CR1: variants seen among roughly 807,000 people sequenced by gnomAD.
The protein encoded by CR1 is complement C3b/C4b receptor 1 (Knops blood group).
CR1 carries 116 observed loss-of-function variants against 187.3 expected under a neutral mutation model. That is an observed-to-expected ratio of 0.62 (90% CI 0.53 to 0.72). CR1 has a LOEUF of 0.72. Among genes scored for constraint, CR1 ranks in the 30% least tolerant of loss-of-function variants. The probability of loss-of-function intolerance (pLI) is 0.00; values close to 1 mark genes in which losing one functional copy is unlikely to be tolerated. For missense variants in CR1, 1,731 were observed against 2,110.7 expected, an observed-to-expected ratio of 0.82 and a Z score of 3.52; for synonymous variants, 576 against 747.1, an observed-to-expected ratio of 0.77 and a Z score of 3.73.
At chr1:207,576,463 G>A (rs648598) in intron 28 of CR1, among the ~76,000 whole-genome samples, 10,364 of 152,140 alleles carry the variant, frequency 0.068, 1,179 homozygotes, top group African/African-American at 0.23. Context: ...ATGTAATATT[G>A]TATATTTGTG....
At chr1:207,619,308 A>C (rs563650708) in intron 42 of CR1, among the ~76,000 whole-genome samples, 1 of 146,964 alleles carries the variant, frequency 6.8e-6, no homozygotes, top group East Asian at 2.1e-4. Context: ...GCTTGAACCC[A>C]GGAGGTAGAG....
chr1:207,510,746 T>TTTCCTTCCTTCC (rs71154819), intron 3 of CR1, among the ~76,000 whole-genome samples: 37 of 148,554 alleles, frequency 2.5e-4, no homozygotes, highest in African/African-American at 8.5e-4. Flanking sequence ...TCCTTCCTTC[T>TTTCCTTCCTTCC]TTCCTTCCTT....
chr1:207,513,757 TC>T (rs1558219401), intron 4 of CR1, among the ~76,000 whole-genome samples: 1 of 72,900 alleles, frequency 1.4e-5, no homozygotes, highest in Admixed American at 2.1e-4. Context: ...CCTCCCTCCC[TC>T]CCTCCCTTCC....
Position 207,526,954 on chromosome 1 carries a change from A to G in CR1, c.1063+25A>G, listed in dbSNP as rs1660193374. ...GGTGACTAGACTCTTATCTGGCTTGATATTTTTAGCTTGCGTCTTTATTCT... is the reference window on the plus strand; with the variant it reads ...GGTGACTAGACTCTTATCTGGCTTGGTATTTTTAGCTTGCGTCTTTATTCT... On this transcript the variant is annotated intron_variant, in intron 6 of 46. Coordinates refer to ENST00000367049, the MANE Select transcript of CR1 (RefSeq NM_000651.6). 2.2e-6 allele frequency: 3 copies of G among 1,380,304 alleles called. 1 individual carries two copies. The highest frequency in any genetic ancestry group is 2.8e-6 in the Non-Finnish European group (3 of 1,059,990). The allele number at this position is 1,380,304 out of a possible 1,614,324, so 85.5% of individuals were successfully genotyped here. A position where few individuals can be genotyped will look rare whatever the true frequency, so the allele number is the denominator to read the frequency against.
At chr1:207,512,036 T>C (rs1571503829) in intron 4 of CR1, among the ~76,000 whole-genome samples, 1 of 135,966 alleles carries the variant, frequency 7.4e-6, no homozygotes, top group African/African-American at 2.8e-5. Flanking sequence ...GACTCTCATG[T>C]ACCACGAGAT....
At chr1:207,610,736 A>G (rs1051668267) in intron 37 of CR1, among the ~76,000 whole-genome samples, 5 of 152,198 alleles carry the variant, frequency 3.3e-5, no homozygotes, top group Non-Finnish European at 7.4e-5. Flanking sequence ...TATCACTAAA[A>G]AGTCTGTAGC....
intron 1 of CR1, among the ~76,000 whole-genome samples, chr1:207,502,843 G>A (rs1659313605): frequency 6.6e-6 from 1 of 152,174 alleles, no homozygotes. Context: ...CTCTGTCCGG[G>A]GTCCCGTGGG....
At position 207,575,735 on chromosome 1, in the gene CR1, T is replaced by TC; in HGVS notation, c.4537+57dup. ...CCACCATTGAATCCTAGAGTTGTCC[T>TC]CCTAGAATTACAAAGAATGGATCTC... is the stretch of plus-strand genomic sequence containing the variant. On this transcript the variant is annotated intron_variant, in intron 28 of 46. Coordinates refer to ENST00000367049, the MANE Select transcript of CR1 (RefSeq NM_000651.6). The TC allele has an allele frequency of 2.5e-6, 4 of 1,608,350 alleles. No homozygotes were observed. In the South Asian group the frequency reaches 4.4e-5, roughly 18 times the overall value.
At chr1:207,604,549 T>C (rs181951977) in intron 35 of CR1, among the ~76,000 whole-genome samples, 2 of 152,238 alleles carry the variant, frequency 1.3e-5, no homozygotes, top group East Asian at 3.8e-4. Flanking sequence ...GCCCTATCAA[T>C]GAATAATTCA....
chr1:207,592,572 A>T (rs370818459), intron 35 of CR1, among the ~76,000 whole-genome samples: 1 of 152,228 alleles, frequency 6.6e-6, no homozygotes, highest in East Asian at 1.9e-4. Context: ...CCTATTCAAC[A>T]TAGTATTGGA....
rs17259045 is a variant in CR1 at position 207,609,362 on chromosome 1, A to G, written c.5969A>G (p.Asn1990Ser). ...AGCAACAATAGAACATCTTTTCACAATGGAACGGTGGTAACTTACCAGTGC... is the reference window on the plus strand; with the variant it reads ...AGCAACAATAGAACATCTTTTCACAGTGGAACGGTGGTAACTTACCAGTGC... ...FYSNNRTSFH[N>S]GTVVTYQCHT... The change falls in exon 37 of 47, where the codon AAT becomes AGT. Residue 1990 changes from asparagine (N) to serine (S), a missense_variant. Transcript: ENST00000367049. 0.1 allele frequency: 164,427 copies of G among 1,613,918 alleles called. 9,469 individuals carry two copies. Among genetic ancestry groups the G allele is most frequent in the Admixed American group, 0.16 (9,328 of 60,012 alleles).
At chr1:207,584,537 G>A (rs1238975952) in intron 32 of CR1, 112 bp from the exon 33 acceptor site, 14 of 1,319,540 alleles carry the variant, frequency 1.1e-5, no homozygotes, top group Non-Finnish European at 1.0e-6. Flanking sequence ...CTTTCCTTAA[G>A]AAGAAAAGTA....
At chr1:207,582,146 A>G (rs1660976595) in intron 32 of CR1, 143 bp downstream of exon 32, 3 of 500,296 alleles carry the variant, frequency 6.0e-6, no homozygotes, top group Non-Finnish European at 1.1e-5. Flanking sequence ...AGATACAAGC[A>G]ATGTTTTGGG....
chr1:207,518,804 T>C (rs1404729788), intron 4 of CR1, among the ~76,000 whole-genome samples: 1 of 152,182 alleles, frequency 6.6e-6, no homozygotes, highest in African/African-American at 2.4e-5. Flanking sequence ...TGGTCACAGC[T>C]CGAGATCATT....
intron 46 of CR1, among the ~76,000 whole-genome samples, chr1:207,637,853 G>T (rs1662864049): frequency 6.6e-6 from 1 of 152,110 alleles, no homozygotes; most frequent in Non-Finnish European, 1.5e-5. Flanking sequence ...TGTCTAGTGG[G>T]TATCCAAACA....
At chr1:207,509,974 G>A (rs1558216506) in intron 3 of CR1, among the ~76,000 whole-genome samples, 1 of 152,156 alleles carries the variant, frequency 6.6e-6, no homozygotes, top group Non-Finnish European at 1.5e-5. Context: ...TTGGGAGGCT[G>A]AGGTGGGTGG....
chr1:207,573,749 A>G (rs1407879625), intron 27 of CR1, among the ~76,000 whole-genome samples: 4 of 152,226 alleles, frequency 2.6e-5, no homozygotes, highest in Non-Finnish European at 5.9e-5. Flanking sequence ...TATATCATAT[A>G]TATATATCAC....
chr1:207,604,838 A>G (rs905975974), intron 35 of CR1, among the ~76,000 whole-genome samples: 15 of 152,190 alleles, frequency 9.9e-5, no homozygotes, highest in African/African-American at 3.4e-4. Context: ...GAGAGTAGAA[A>G]GGTGGTTACC....
intron 45 of CR1, among the ~76,000 whole-genome samples, chr1:207,623,321 C>A (rs1464522456): frequency 1.3e-5 from 2 of 152,036 alleles, no homozygotes; most frequent in Non-Finnish European, 2.9e-5. Context: ...GTGACTCATG[C>A]CTGTAATTTC....
Sources: gnomAD v4.1 joint callset for allele counts (sites outside exome capture counted in the v4.1 genomes callset) on GRCh38, gnomAD v4.1.1 for gene constraint, MANE v1.5 for transcripts, NCBI Gene and HGNC (gene_info 2026-07-23, HGNC 2026-07-21) for gene names.